Variants in ADGRF1 observed in about 807,000 individuals in gnomAD.
The protein encoded by ADGRF1 is adhesion G protein-coupled receptor F1.
Under a neutral mutation model 87.2 loss-of-function variants are expected in ADGRF1, and 85 were observed. The ratio of observed to expected loss-of-function variants is 0.97; its 90% CI spans 0.82 to 1.17. The LOEUF (loss-of-function observed/expected upper bound fraction) is 1.17. Among genes scored for constraint, ADGRF1 ranks in the 50% most tolerant of loss-of-function variants. The probability of loss-of-function intolerance (pLI) is 0.00; values close to 1 mark genes in which losing one functional copy is unlikely to be tolerated. For missense variants in ADGRF1, 1,169 were observed against 1,077.2 expected (o/e 1.09, Z -1.19); for synonymous variants, 430 against 408.8 (o/e 1.05, Z -0.63).
In ADGRF1 at chr6:47,009,301, T is replaced by C. The variant is rs774035155; in HGVS notation, c.2134A>G (p.Ile712Val). Residue 712 changes from isoleucine to valine, a missense_variant, in exon 11 of 15, where the codon ATT (isoleucine) becomes GTT (valine). Physicochemically the swap from Ile to Val is conservative, Grantham distance 29 (BLOSUM62 3). Coordinates refer to ENST00000371253, the MANE Select transcript of ADGRF1 (RefSeq NM_153840.4). ...GFCLGYGCPLIISVITIAVTQ... is the reference protein window; with the variant it reads ...GFCLGYGCPLVISVITIAVTQ... ...ACAGCAATGGTAATGACAGATATAA[T>C]GAGAGGGCACCCATAACCCAGGCAA... The C allele has an allele frequency of 8.7e-6, 14 of 1,613,982 alleles. No individual in the cohort carries two copies. The highest frequency in any genetic ancestry group is 8.5e-7 in the Non-Finnish European group (1 of 1,180,006).
intron 1 of ADGRF1, among the ~76,000 whole-genome samples, chr6:47,033,827 G>C (rs1164550666): frequency 6.6e-6 from 1 of 152,236 alleles, no homozygotes; most frequent in African/African-American, 2.4e-5. Flanking sequence ...TAACTGAACA[G>C]AGACAGAGGA....
rs113573038 is a variant in ADGRF1, at chr6:47,014,539, G to A, written c.927+142C>T. ...CATGCACGACTCCACGGGTTCACCA[G>A]GGTCTGATGTCATCCTTGCTCTTTG... On this transcript the variant is annotated intron_variant, in intron 9 of 14. Coordinates refer to ENST00000371253, the MANE Select transcript of ADGRF1 (RefSeq NM_153840.4). 1.7e-3 allele frequency: 2,509 copies of A among 1,442,758 alleles called. 37 individuals are homozygous for A. The African/African-American group carries it at 0.031, about 18-fold the overall frequency. 89.4% of individuals were successfully genotyped at this position (1,442,758 alleles called of 1,614,324 possible).
rs76584484 is a variant in ADGRF1, at chr6:47,012,753, G to A, written c.928-558C>T. The A allele has an allele frequency of 1.9e-4, 190 of 985,384 alleles. 3 individuals are homozygous for A. The East Asian group carries it at 0.013, about 68-fold the overall frequency. 61.0% of individuals were successfully genotyped at this position (985,384 alleles called of 1,614,324 possible). On this transcript the variant is annotated intron_variant, in intron 9 of 14. Transcript: ENST00000371253. Reference sequence around the variant, plus strand: ...GACTACTGGGCTTGTGCCAGCCCCCGTTTTGTCACAAGATTTGTTTTTTTT... The same window carrying A: ...GACTACTGGGCTTGTGCCAGCCCCCATTTTGTCACAAGATTTGTTTTTTTT...
At chr6:47,032,958 G>A (rs1488060053) in intron 1 of ADGRF1, among the ~76,000 whole-genome samples, 5 of 152,242 alleles carry the variant, frequency 3.3e-5, no homozygotes, top group Non-Finnish European at 7.3e-5. Flanking sequence ...TTGCGTGTGT[G>A]CAGGGTCATC....
chr6:47,023,460 G>T lies in ADGRF1; in HGVS notation c.451+584C>A, dbSNP rs143965418. Among the ~76,000 whole-genome samples, 69 of 152,278 alleles carry T rather than the reference G, an allele frequency of 4.5e-4. 1 individual carries two copies. The East Asian group carries it at 0.012, about 27-fold the overall frequency. ...TTAGTAAAGTCCTTTATGTCCTGGA[G>T]TCCATGTCATTTGGCTCATCTCACC... On this transcript the variant is annotated intron_variant, in intron 5 of 14. Transcript: ENST00000371253.
Position 47,020,777 on chromosome 6 carries a change from A to C in ADGRF1, c.565T>G (p.Tyr189Asp). 1 of 1,613,700 alleles carries C rather than the reference A, an allele frequency of 6.2e-7. No homozygotes were observed. The highest frequency in any genetic ancestry group is 1.1e-5 in the South Asian group (1 of 91,078). The change falls in exon 7 of 15, where the codon TAT becomes GAT. Residue 189 changes from tyrosine to aspartate, a missense_variant. By Grantham distance (160) the Tyr-to-Asp change is radical (BLOSUM62 -3). Coordinates refer to ENST00000371253, the MANE Select transcript of ADGRF1 (RefSeq NM_153840.4). Reference protein sequence around the residue: ...NGIEIQLKKAYERIQGFESVQ... With the variant: ...NGIEIQLKKADERIQGFESVQ... Reference sequence around the variant, plus strand: ...GACTCAAAACCTTGAATTCTTTCATATGCTTTTTTAAGCTTAGAAAGAGAA... The same window carrying C: ...GACTCAAAACCTTGAATTCTTTCATCTGCTTTTTTAAGCTTAGAAAGAGAA...
chr6:47,026,072 T>A (rs970811593), intron 3 of ADGRF1, 69 bp from the exon 4 acceptor site: 1 of 1,360,004 alleles, frequency 7.4e-7, no homozygotes, highest in Non-Finnish European at 9.9e-7. Context: ...AGGAAGTGAC[T>A]GAGAAACAAT....
chr6:47,036,219 G>T lies in ADGRF1; in HGVS notation c.-44+5972C>A, dbSNP rs925781854. On this transcript the variant is annotated intron_variant, in intron 1 of 14. Transcript: ENST00000371253. ...CACTCCAGCCTGGGAGAGAGAGGGA[G>T]ACCCTGTCTCAAAAACAGAACAAAA... Among the ~76,000 whole-genome samples, 9 of 152,112 alleles carry T rather than the reference G, an allele frequency of 5.9e-5. No homozygotes were observed. The East Asian group carries it at 1.7e-3, about 29-fold the overall frequency.
chr6:47,006,690 C>T (rs541967098), intron 12 of ADGRF1, among the ~76,000 whole-genome samples: 4 of 152,206 alleles, frequency 2.6e-5, no homozygotes, highest in African/African-American at 9.6e-5. Context: ...CCACCCTTTT[C>T]CCCTGAGTCC....
chr6:47,013,516 G>A, intron 9 of ADGRF1: 1 of 985,458 alleles, frequency 1.0e-6, no homozygotes, highest in Non-Finnish European at 1.2e-6. Context: ...TCTACTTGCT[G>A]AACAGTATCT....
intron 7 of ADGRF1, chr6:47,018,479 C>A (rs1490738466): frequency 7.8e-7 from 1 of 1,289,704 alleles, no homozygotes; most frequent in Admixed American, 2.3e-5. Flanking sequence ...GGTCACAATA[C>A]CTTTGTATTG....
intron 4 of ADGRF1, among the ~76,000 whole-genome samples, chr6:47,024,756 G>A (rs1780174728): frequency 6.6e-6 from 1 of 152,160 alleles, no homozygotes; most frequent in South Asian, 2.1e-4. Context: ...ATGAAACCAG[G>A]ACAGCAATAT....
intron 1 of ADGRF1, among the ~76,000 whole-genome samples, chr6:47,031,331 T>TC (rs1780418538): frequency 7.8e-6 from 1 of 128,254 alleles, no homozygotes; most frequent in South Asian, 2.5e-4. Flanking sequence ...TCTCTCTCTC[T>TC]TCTCTCTCTC....
chr6:47,021,248 A>G (rs570729953), intron 6 of ADGRF1, among the ~76,000 whole-genome samples: 1 of 152,278 alleles, frequency 6.6e-6, no homozygotes, highest in East Asian at 1.9e-4. Flanking sequence ...TCTAGTTTTT[A>G]TGTGACTTTA....
At position 47,025,843 on chromosome 6, in the gene ADGRF1, A is replaced by G; in HGVS notation, c.277+11T>C. 6.4e-7 allele frequency: 1 copy of G among 1,571,486 alleles called. No homozygotes were observed. Among genetic ancestry groups the G allele is most frequent in the Non-Finnish European group, 8.7e-7 (1 of 1,152,978 alleles). ...CCCATTTATACATCCAGTCACCGAG[A>G]GCCACCTTACCTGTGGTAGCCTTTG... On this transcript the variant is annotated intron_variant, in intron 4 of 14. Coordinates refer to ENST00000371253, the MANE Select transcript of ADGRF1 (RefSeq NM_153840.4).
intron 1 of ADGRF1, among the ~76,000 whole-genome samples, chr6:47,032,785 T>C (rs1552632): frequency 0.34 from 51,712 of 152,070 alleles, 8,926 homozygotes; most frequent in East Asian, 0.44. Flanking sequence ...ACTTGCTGGA[T>C]TGTGTCAGAA....
intron 14 of ADGRF1, among the ~76,000 whole-genome samples, chr6:47,000,960 T>C (rs1159959946): frequency 6.6e-6 from 1 of 152,236 alleles, no homozygotes; most frequent in African/African-American, 2.4e-5. Flanking sequence ...AGTTGCTCAA[T>C]AGCACAGACT....
At chr6:47,028,322 G>A (rs1041973533) in intron 2 of ADGRF1, among the ~76,000 whole-genome samples, 1 of 152,162 alleles carries the variant, frequency 6.6e-6, no homozygotes, top group African/African-American at 2.4e-5. Flanking sequence ...ATATTTTAAA[G>A]GTAAAGCTTT....
At chr6:47,019,892 A>G in intron 7 of ADGRF1, 1 of 985,126 alleles carries the variant, frequency 1.0e-6, no homozygotes, top group South Asian at 4.7e-5. Context: ...AGGATAATTT[A>G]CTAAATATTT....
Sources: allele counts gnomAD v4.1 joint callset (sites outside exome capture counted in the v4.1 genomes callset), GRCh38; gene constraint gnomAD v4.1.1; transcripts MANE v1.5; gene names NCBI Gene and HGNC (gene_info 2026-07-23, HGNC 2026-07-21).